KLHL2: variants seen among roughly 807,000 people sequenced by gnomAD.
KLHL2 encodes the protein kelch like family member 2, also known as kelch-like protein 2.
Under a neutral mutation model 75.8 loss-of-function variants are expected in KLHL2, and 15 were observed. That is an observed-to-expected ratio of 0.20 (90% CI 0.13 to 0.30). The LOEUF (loss-of-function observed/expected upper bound fraction) is 0.30. KLHL2 is among the 10% of genes least tolerant of loss of function. The pLI is 1.00. For synonymous variants in KLHL2, 214 were observed against 251.9 expected (o/e 0.85, Z 1.42); for missense variants, 381 against 741.0 (o/e 0.51, Z 5.64).
intron 8 of KLHL2, among the ~76,000 whole-genome samples, chr4:165,304,128 G>A (rs544183167): frequency 1.3e-5 from 2 of 151,692 alleles, no homozygotes; most frequent in African/African-American, 2.4e-5. Flanking sequence ...TGATCTGTCC[G>A]CTTCAGCCTC....
rs1230268813 is a variant in KLHL2, at chr4:165,305,984, T to A, written c.1039+259T>A. Among the ~76,000 whole-genome samples, 3 of 152,334 alleles carry A rather than the reference T, an allele frequency of 2.0e-5. No homozygotes were observed. In the East Asian group the frequency reaches 5.8e-4, roughly 29 times the overall value. On this transcript the variant is annotated intron_variant, in intron 9 of 14. Transcript: ENST00000226725. ...AGTAATTTGCCGGATATTTCCTAGT[T>A]ACATTTGCCTGAAGTGTTGAGAGGG...
intron 5 of KLHL2, among the ~76,000 whole-genome samples, chr4:165,268,316 G>T (rs1360683728): frequency 6.6e-6 from 1 of 151,982 alleles, no homozygotes; most frequent in Non-Finnish European, 1.5e-5. Context: ...GTCTCCTTCA[G>T]TTCTGCTCTG....
intron 5 of KLHL2, among the ~76,000 whole-genome samples, chr4:165,286,876 A>G (rs1212689579): frequency 6.6e-6 from 1 of 151,956 alleles, no homozygotes; most frequent in Non-Finnish European, 1.5e-5. Context: ...CTATAGCAAC[A>G]CTTCCTTTCT....
intron 1 of KLHL2, among the ~76,000 whole-genome samples, chr4:165,217,381 C>T (rs777408556): frequency 2.0e-5 from 3 of 152,160 alleles, no homozygotes; most frequent in Non-Finnish European, 4.4e-5. Flanking sequence ...TCCCTCCAGA[C>T]GTGAATGTTC....
chr4:165,312,630 G>A (rs140483395), intron 11 of KLHL2, among the ~76,000 whole-genome samples: 1 of 152,164 alleles, frequency 6.6e-6, no homozygotes, highest in East Asian at 1.9e-4. Context: ...AAGCAATCCT[G>A]CTTCCCTTGG....
In KLHL2 at chr4:165,210,817, G is replaced by A. The variant is rs562761063; in HGVS notation, c.26+2915G>A. Among the ~76,000 whole-genome samples the A allele has an allele frequency of 1.6e-4, 25 of 152,322 alleles. No individual in the cohort carries two copies. The South Asian group carries it at 1.9e-3, about 11-fold the overall frequency. Reference sequence around the variant, plus strand: ...TTTGTATAAAGGATTTTCATAATAAGTTGAAGGAAGACTGTGAGGTATAGG... The same window carrying A: ...TTTGTATAAAGGATTTTCATAATAAATTGAAGGAAGACTGTGAGGTATAGG... On this transcript the variant is annotated intron_variant, in intron 1 of 14. Coordinates refer to ENST00000226725, the MANE Select transcript of KLHL2 (RefSeq NM_007246.4).
At position 165,299,507 on chromosome 4, in the gene KLHL2, A is replaced by G; in HGVS notation, c.772A>G (p.Arg258Gly). 1 of 1,603,722 alleles carries G rather than the reference A, an allele frequency of 6.2e-7. No homozygotes were observed. Reference sequence around the variant, plus strand: ...GGGTGTGTCTGATTTCTTGTTACAGAGGGTTGAAGAGGAAGCATTGGTCAA... The same window carrying G: ...GGGTGTGTCTGATTTCTTGTTACAGGGGGTTGAAGAGGAAGCATTGGTCAA... ...PLLPREYLVQ[R>G]VEEEALVKNS... Residue 258 changes from arginine (R) to glycine (G), a missense_variant and splice_region_variant, in exon 8 of 15, where the codon AGG becomes GGG. Arg to Gly is a moderately radical substitution (Grantham distance 125, BLOSUM62 -2). Around this residue, in one of 5 missense-constraint regions of KLHL2, gnomAD observed 111 missense variants for 150.1 expected, o/e 0.74. Coordinates refer to ENST00000226725, the MANE Select transcript of KLHL2 (RefSeq NM_007246.4).
intron 7 of KLHL2, among the ~76,000 whole-genome samples, chr4:165,298,939 G>GCCCCCCCT (rs1220958076): frequency 9.8e-6 from 1 of 101,626 alleles, no homozygotes; most frequent in Non-Finnish European, 1.9e-5. Context: ...CCTTCCCCCC[G>GCCCCCCCT]CCCCCCCTCC....
chr4:165,219,308 T>G (rs561480512), intron 1 of KLHL2, among the ~76,000 whole-genome samples: 1 of 152,358 alleles, frequency 6.6e-6, no homozygotes, highest in African/African-American at 2.4e-5. Flanking sequence ...TCTTCATCTG[T>G]TAAATGGGGA....
chr4:165,283,565 G>C (rs1743853879), intron 5 of KLHL2, among the ~76,000 whole-genome samples: 1 of 152,224 alleles, frequency 6.6e-6, no homozygotes. Context: ...GCAAGATGTA[G>C]GTTCCCACAG....
Position 165,265,791 on chromosome 4 carries a change from G to A in KLHL2, c.544+2432G>A, listed in dbSNP as rs1051355131. Among the ~76,000 whole-genome samples the A allele has an allele frequency of 7.9e-5, 12 of 152,212 alleles. 1 individual carries two copies. The highest frequency in any genetic ancestry group is 2.0e-4 in the Admixed American group (3 of 15,276). On this transcript the variant is annotated intron_variant, in intron 5 of 14. Transcript: ENST00000226725. ...AGTGTCGCAATAAACATGTGTGCGT[G>A]TGTCTTTATAGTAGTATGATATATA...
intron 4 of KLHL2, among the ~76,000 whole-genome samples, chr4:165,242,140 A>G (rs1277433015): frequency 6.6e-6 from 1 of 152,180 alleles, no homozygotes; most frequent in Non-Finnish European, 1.5e-5. Context: ...AGGAGAACCA[A>G]TATTTTACCT....
chr4:165,265,790 T>C (rs1742195321), intron 5 of KLHL2, among the ~76,000 whole-genome samples: 1 of 152,202 alleles, frequency 6.6e-6, no homozygotes, highest in Non-Finnish European at 1.5e-5. Flanking sequence ...CATGTGTGCG[T>C]GTGTCTTTAT....
At chr4:165,276,624 T>A (rs548005856) in intron 5 of KLHL2, among the ~76,000 whole-genome samples, 11 of 152,314 alleles carry the variant, frequency 7.2e-5, no homozygotes, top group African/African-American at 2.4e-4. Flanking sequence ...TTAAATATTT[T>A]GAGAAATTCT....
At chr4:165,295,849 TAATAA>T (rs1042076951) in intron 6 of KLHL2, among the ~76,000 whole-genome samples, 8 of 152,138 alleles carry the variant, frequency 5.3e-5, no homozygotes, top group African/African-American at 1.7e-4. Context: ...GAAGATGATA[TAATAA>T]AATATCTTCT....
intron 6 of KLHL2, among the ~76,000 whole-genome samples, 156 bp from the exon 7 acceptor site, chr4:165,297,453 G>A (rs1055520997): frequency 7.2e-5 from 11 of 151,936 alleles, no homozygotes; most frequent in Admixed American, 3.9e-4. Context: ...GGCTTTGTAA[G>A]TACATTGCAA....
At position 165,290,068 on chromosome 4, in the gene KLHL2, A is replaced by T. The variant is rs148440983; in HGVS notation, c.545-4291A>T. On this transcript the variant is annotated intron_variant, in intron 5 of 14. Coordinates refer to ENST00000226725, the MANE Select transcript of KLHL2 (RefSeq NM_007246.4). ...TGTTTGAATTTCCAAGTTGGTATTC[A>T]TAAATGTTTCTAAATTTATATGCTG... 3.9e-5 allele frequency among the ~76,000 whole-genome samples: 6 copies of T among 152,338 alleles called. No homozygotes were observed. In the East Asian group the frequency reaches 1.2e-3, roughly 29 times the overall value.
Position 165,241,395 on chromosome 4 carries a change from AAAG to A in KLHL2, c.381+2503_381+2505del, listed in dbSNP as rs754548475. Reference sequence around the variant, plus strand: ...TTTCTTGTAAAGTGCTGTCCACCTTAAAGAAGAAGGTGTCTGTTGTTATTAATG... The same window carrying A: ...TTTCTTGTAAAGTGCTGTCCACCTTAAAGAAGGTGTCTGTTGTTATTAATG... On this transcript the variant is annotated intron_variant, in intron 4 of 14. Transcript: ENST00000226725. Among the ~76,000 whole-genome samples, 6 of 152,320 alleles carry A rather than the reference AAAG, an allele frequency of 3.9e-5. No homozygotes were observed. The South Asian group carries it at 1.2e-3, about 32-fold the overall frequency.
chr4:165,291,773 A>G (rs1464580025), intron 5 of KLHL2, among the ~76,000 whole-genome samples: 1 of 152,104 alleles, frequency 6.6e-6, no homozygotes, highest in Non-Finnish European at 1.5e-5. Flanking sequence ...AGTCTCTTAT[A>G]TAAAATGGGG....
Sources: allele counts gnomAD v4.1 joint callset (sites outside exome capture counted in the v4.1 genomes callset), GRCh38; gene constraint gnomAD v4.1.1; regional missense constraint gnomAD v4.1.1; transcripts MANE v1.5; gene names NCBI Gene and HGNC (gene_info 2026-07-23, HGNC 2026-07-21).